The following STIM1 variants were observed in gnomAD, a reference collection of about 807,000 sequenced individuals.
STIM1 encodes the protein stromal interaction molecule 1.
In STIM1, 25 loss-of-function variants were observed where a neutral mutation model predicts 74.7. That is an observed-to-expected ratio of 0.33 (90% confidence interval 0.24 to 0.47). The LOEUF (loss-of-function observed/expected upper bound fraction) is 0.47, where lower values mean the gene tolerates loss of function less well. Among genes scored for constraint, STIM1 ranks in the 20% least tolerant of loss-of-function variants. STIM1 has a pLI of 1.00. For missense variants in STIM1, 728 were observed against 920.8 expected (o/e 0.79, Z 2.71); for synonymous variants, 328 against 348.8 (o/e 0.94, Z 0.66).
chr11:3,931,806 C>T (rs1040663078), intron 1 of STIM1, among the ~76,000 whole-genome samples: 1 of 152,148 alleles, frequency 6.6e-6, no homozygotes, highest in Non-Finnish European at 1.5e-5. Flanking sequence ...ATGTTCCAAG[C>T]TAGGGAATCT....
intron 7 of STIM1, among the ~76,000 whole-genome samples, chr11:4,078,921 A>C (rs895490646): frequency 6.6e-6 from 1 of 152,038 alleles, no homozygotes; most frequent in Non-Finnish European, 1.5e-5. Context: ...ACATTTTGAT[A>C]GGGGGTAATA....
At chr11:3,895,732 TTCTTTTTCTTTC>T (rs2092114396) in intron 1 of STIM1, among the ~76,000 whole-genome samples, 1 of 38,288 alleles carries the variant, frequency 2.6e-5, no homozygotes, top group African/African-American at 1.7e-4. Context: ...CTTTCTTTCT[TTCTTTTTCTTTC>T]TTCCTTCCTT....
At chr11:4,029,152 C>T (rs1156228505) in intron 3 of STIM1, among the ~76,000 whole-genome samples, 2 of 152,084 alleles carry the variant, frequency 1.3e-5, no homozygotes, top group Admixed American at 1.3e-4. Flanking sequence ...CACGCCATGG[C>T]ACTCCAGCCT....
At chr11:3,857,101 T>TTG (rs1195350769) in intron 1 of STIM1, among the ~76,000 whole-genome samples, 5 of 118,396 alleles carry the variant, frequency 4.2e-5, no homozygotes, top group Admixed American at 8.1e-5. Flanking sequence ...TACAGGTTTT[T>TTG]TTTTTTGTTT....
rs1383878983 is a variant in STIM1, at chr11:3,965,518, TTA to T, written c.140-2028_140-2027del. ...CTGATCAAAAAGCTCTAATATGCAA[TTA>T]TATATGTTTTTGTTGGTGAGGTAGT... On this transcript the variant is annotated intron_variant, in intron 1 of 12. Coordinates refer to ENST00000526596, the MANE Select transcript of STIM1 (RefSeq NM_001382567.1). 2.0e-5 allele frequency among the ~76,000 whole-genome samples: 3 copies of T among 152,200 alleles called. No individual in the cohort carries two copies. The East Asian group carries it at 5.8e-4, about 29-fold the overall frequency.
intron 1 of STIM1, among the ~76,000 whole-genome samples, chr11:3,936,933 A>G (rs1230215871): frequency 6.6e-6 from 1 of 152,200 alleles, no homozygotes; most frequent in Non-Finnish European, 1.5e-5. Flanking sequence ...TGGAAAAATT[A>G]AAGTACAGTG....
chr11:3,941,583 ATATG>A (rs1236974455), intron 1 of STIM1, among the ~76,000 whole-genome samples: 1 of 115,894 alleles, frequency 8.6e-6, no homozygotes, highest in East Asian at 2.9e-4. Context: ...AGAAGCATAT[ATATG>A]TGTGTGTGTG....
intron 1 of STIM1, among the ~76,000 whole-genome samples, chr11:3,896,281 A>G (rs1565105956): frequency 6.6e-6 from 1 of 152,294 alleles, no homozygotes; most frequent in South Asian, 2.1e-4. Flanking sequence ...TTTATGTACT[A>G]GGCAATGGGT....
chr11:4,079,480 A>C (rs1179028978), intron 7 of STIM1, among the ~76,000 whole-genome samples: 1 of 151,620 alleles, frequency 6.6e-6, no homozygotes, highest in African/African-American at 2.4e-5. Context: ...AGGCTCAGGC[A>C]GGAGAATCGC....
At chr11:4,001,148 T>G (rs930931038) in intron 2 of STIM1, among the ~76,000 whole-genome samples, 2 of 152,154 alleles carry the variant, frequency 1.3e-5, no homozygotes, top group African/African-American at 4.8e-5. Context: ...TGGAACCAAG[T>G]TGGAAAACAC....
chr11:3,940,112 T>G (rs1370733204), intron 1 of STIM1, among the ~76,000 whole-genome samples: 1 of 152,218 alleles, frequency 6.6e-6, no homozygotes, highest in Non-Finnish European at 1.5e-5. Flanking sequence ...TAATTCATGG[T>G]TTTGTATGGT....
intron 1 of STIM1, among the ~76,000 whole-genome samples, chr11:3,862,014 C>A (rs1488178692): frequency 6.6e-6 from 1 of 152,016 alleles, no homozygotes; most frequent in African/African-American, 2.4e-5. Flanking sequence ...TTGGGAAACT[C>A]AGCAGGTTTG....
chr11:4,088,967 C>T, intron 12 of STIM1: 4 of 498,264 alleles, frequency 8.0e-6, no homozygotes, highest in Non-Finnish European at 1.5e-5. Flanking sequence ...TGCAGTGGCT[C>T]ACACCTGTAA....
At chr11:3,876,383 G>A (rs533194467) in intron 1 of STIM1, among the ~76,000 whole-genome samples, 2 of 152,262 alleles carry the variant, frequency 1.3e-5, no homozygotes, top group South Asian at 4.2e-4. Flanking sequence ...GAATTCCTGT[G>A]AGTTGAGGGA....
intron 1 of STIM1, among the ~76,000 whole-genome samples, chr11:3,942,735 A>G (rs2093026195): frequency 6.6e-6 from 1 of 152,160 alleles, no homozygotes. Context: ...CAAAGTTTGC[A>G]TTTGAACTGG....
chr11:4,016,360 G>C (rs1372879981), intron 2 of STIM1, among the ~76,000 whole-genome samples: 1 of 152,180 alleles, frequency 6.6e-6, no homozygotes, highest in Non-Finnish European at 1.5e-5. Flanking sequence ...CTGTTTGCCT[G>C]GGTATCACCA....
rs375183049 is a variant in STIM1 at position 3,866,429 on chromosome 11, CT to C, written c.139+10036del. 5.4e-3 allele frequency among the ~76,000 whole-genome samples: 744 copies of C among 136,734 alleles called. 1 individual carries two copies. Among genetic ancestry groups the C allele is most frequent in the Middle Eastern group, 7.7e-3 (2 of 260 alleles). 89.7% of individuals were successfully genotyped at this position (136,734 alleles called of 152,430 possible). ...CGCCACAAGAGGCAGCTTGCTATGT[CT>C]TTTTTTTTTTTTTTTGTGACAGAGT... On this transcript the variant is annotated intron_variant, in intron 1 of 12. Coordinates refer to ENST00000526596, the MANE Select transcript of STIM1 (RefSeq NM_001382567.1).
At chr11:4,072,555 A>T (rs1305512303) in intron 6 of STIM1, among the ~76,000 whole-genome samples, 3 of 152,098 alleles carry the variant, frequency 2.0e-5, no homozygotes, top group Admixed American at 2.0e-4. Context: ...GCTTAATTGT[A>T]TACTTATTTG....
At chr11:3,904,523 A>G (rs2092428600) in intron 1 of STIM1, among the ~76,000 whole-genome samples, 1 of 152,158 alleles carries the variant, frequency 6.6e-6, no homozygotes, top group Admixed American at 6.5e-5. Context: ...TTTACCGTCG[A>G]TATTTAAGAT....
Sources: gnomAD v4.1 joint callset for allele counts (sites outside exome capture counted in the v4.1 genomes callset) on GRCh38, gnomAD v4.1.1 for gene constraint, MANE v1.5 for transcripts, NCBI Gene and HGNC (gene_info 2026-07-23, HGNC 2026-07-21) for gene names.